The following SMC4 variants were observed in gnomAD, a reference collection of about 807,000 sequenced individuals.
SMC4 encodes the protein structural maintenance of chromosomes protein 4.
SMC4 carries 87 observed loss-of-function variants against 145.6 expected under a neutral mutation model. That is an observed-to-expected ratio of 0.60 (90% CI 0.50 to 0.71). The LOEUF (loss-of-function observed/expected upper bound fraction) is 0.71, where lower values mean the gene tolerates loss of function less well. Ranked by LOEUF, SMC4 falls within the 30% of genes least tolerant of loss-of-function variation. The pLI is 0.00. For missense variants in SMC4, 1,447 were observed against 1,537.1 expected (o/e 0.94, Z 0.98); for synonymous variants, 558 against 500.7 (o/e 1.11, Z -1.53).
At chr3:160,420,604 T>C (rs1042394272) in intron 12 of SMC4, 136 bp from the exon 13 acceptor site, 17 of 756,004 alleles carry the variant, frequency 2.2e-5, no homozygotes, top group Non-Finnish European at 3.6e-5. Context: ...TGTATTTTGT[T>C]GTGTACCCTT....
chr3:160,431,610 C>A, intron 20 of SMC4, 33 bp from the exon 21 acceptor site: 1 of 1,477,728 alleles, frequency 6.8e-7, no homozygotes, highest in Non-Finnish European at 9.2e-7. Flanking sequence ...AATATTATGC[C>A]TTCTCTAACT....
At chr3:160,405,313 T>G (rs1217986000) in intron 5 of SMC4, among the ~76,000 whole-genome samples, 2 of 110,938 alleles carry the variant, frequency 1.8e-5, no homozygotes, top group Non-Finnish European at 3.9e-5. Flanking sequence ...AATTCAGAAT[T>G]TTTCGGAAAA....
At chr3:160,400,527 G>A (rs1200874427) in intron 1 of SMC4, 1 of 336,438 alleles carries the variant, frequency 3.0e-6, no homozygotes, top group Non-Finnish European at 5.4e-6. Flanking sequence ...TTATACTATG[G>A]GCGGACGGGT....
chr3:160,429,484 C>T (rs1576993687), intron 18 of SMC4, among the ~76,000 whole-genome samples: 1 of 152,008 alleles, frequency 6.6e-6, no homozygotes, highest in Non-Finnish European at 1.5e-5. Context: ...GCTGGGACTA[C>T]AGGAATGCAC....
chr3:160,418,997 C>T (rs80311130), intron 11 of SMC4, among the ~76,000 whole-genome samples: 2 of 152,250 alleles, frequency 1.3e-5, no homozygotes, highest in East Asian at 3.9e-4. Context: ...TCTGGGTCAG[C>T]TTTTCATTAG....
In SMC4 at chr3:160,433,142, A is replaced by AC; in HGVS notation, c.3648dup (p.Phe1217LeufsTer4). The AC allele has an allele frequency of 6.2e-7, 1 of 1,613,702 alleles. No homozygotes were observed. Among genetic ancestry groups the AC allele is most frequent in the Non-Finnish European group, 8.5e-7 (1 of 1,179,736 alleles). On this transcript the variant is annotated frameshift_variant, in exon 23 of 24. Coordinates refer to ENST00000357388, the MANE Select transcript of SMC4 (RefSeq NM_001002800.3). LOFTEE classifies it high-confidence loss of function. ...CACCACTACAAGCCCACTCCCCTTTACTTCATGGATGAGATTGATGCAGCC... is the reference window on the plus strand; with the variant it reads ...CACCACTACAAGCCCACTCCCCTTTACCTTCATGGATGAGATTGATGCAGCC...
At chr3:160,425,165 G>A (rs1717648920) in intron 16 of SMC4, 146 bp downstream of exon 16, 1 of 1,276,594 alleles carries the variant, frequency 7.8e-7, no homozygotes, top group Admixed American at 3.1e-5. Context: ...AACTCTTGAT[G>A]ATTTTGTTTC....
chr3:160,402,124 T>C, intron 3 of SMC4, 31 bp downstream of exon 3: 1 of 1,380,380 alleles, frequency 7.2e-7, no homozygotes, highest in East Asian at 2.7e-5. Flanking sequence ...ATTTTATAAC[T>C]TTTTAAATAA....
At chr3:160,419,665 T>A in intron 12 of SMC4, 122 bp downstream of exon 12, 2 of 909,196 alleles carry the variant, frequency 2.2e-6, no homozygotes, top group Non-Finnish European at 3.2e-6. Context: ...TCATTTTGTT[T>A]GTTTTAAGGC....
intron 11 of SMC4, 70 bp from the exon 12 acceptor site, chr3:160,419,288 T>C: frequency 9.9e-7 from 1 of 1,013,140 alleles, no homozygotes; most frequent in Non-Finnish European, 1.4e-6. Flanking sequence ...GCATTACAAC[T>C]AATTCAGTGC....
intron 5 of SMC4, among the ~76,000 whole-genome samples, chr3:160,405,823 G>A (rs1300313434): frequency 6.6e-6 from 1 of 151,914 alleles, no homozygotes; most frequent in Non-Finnish European, 1.5e-5. Context: ...TCTGGGACTT[G>A]GTTTGGTTAA....
intron 10 of SMC4, among the ~76,000 whole-genome samples, chr3:160,417,102 A>T (rs1162865499): frequency 6.6e-6 from 1 of 152,190 alleles, no homozygotes; most frequent in East Asian, 1.9e-4. Flanking sequence ...AGCATTTTTG[A>T]CAGTGCTAAG....
chr3:160,414,415 T>G lies in SMC4; in HGVS notation c.1170T>G (p.Phe390Leu). The change falls in exon 9 of 24, where the codon TTT (phenylalanine) becomes TTG (leucine). Residue 390 changes from phenylalanine to leucine, a missense_variant. Coordinates refer to ENST00000357388, the MANE Select transcript of SMC4 (RefSeq NM_001002800.3). ...TTATTGAGGAGAATAAAGAAAAATT[T>G]ACACAGCTAGATTTGGAAGATGTTC... ...TKFIEENKEK[F>L]TQLDLEDVQV... 1.2e-6 allele frequency: 2 copies of G among 1,609,548 alleles called. No homozygotes were observed. The highest frequency in any genetic ancestry group is 1.7e-6 in the Non-Finnish European group (2 of 1,177,826).
In SMC4 at chr3:160,399,692, G is replaced by C. The variant is rs1714238193; in HGVS notation, c.-63G>C. 2 of 152,656 alleles carry C rather than the reference G, an allele frequency of 1.3e-5. No homozygotes were observed. The highest frequency in any genetic ancestry group is 1.3e-4 in the Admixed American group (2 of 15,290). 9.5% of individuals were successfully genotyped at this position (152,656 alleles called of 1,614,324 possible). On this transcript the variant is annotated 5_prime_UTR_variant, in exon 1 of 24. Transcript: ENST00000357388. ...CCGGAGCCGAAACACCGGTAGGAGCGGGGAGGTGGGTACTACACAACCGTC... is the reference window on the plus strand; with the variant it reads ...CCGGAGCCGAAACACCGGTAGGAGCCGGGAGGTGGGTACTACACAACCGTC...
chr3:160,432,094 C>CG (rs1294159574), intron 21 of SMC4, among the ~76,000 whole-genome samples, 189 bp from the exon 22 acceptor site: 1 of 152,114 alleles, frequency 6.6e-6, no homozygotes, highest in African/African-American at 2.4e-5. Context: ...CCCGGGTACT[C>CG]GGGAGGCTGA....
chr3:160,407,617 C>A (rs562747256), intron 5 of SMC4, among the ~76,000 whole-genome samples: 31 of 150,274 alleles, frequency 2.1e-4, no homozygotes, highest in African/African-American at 7.7e-4. Context: ...ATTTAATTAA[C>A]CTAGGTCTGA....
At chr3:160,412,243 T>C (rs1207770531) in intron 6 of SMC4, 83 bp from the exon 7 acceptor site, 4 of 1,465,052 alleles carry the variant, frequency 2.7e-6, no homozygotes, top group South Asian at 1.3e-5. Flanking sequence ...TTATTAACTG[T>C]TTTTATCTAA....
At chr3:160,403,445 T>G (rs1714939079) in intron 4 of SMC4, among the ~76,000 whole-genome samples, 1 of 152,164 alleles carries the variant, frequency 6.6e-6, no homozygotes, top group Non-Finnish European at 1.5e-5. Flanking sequence ...ACTTTTTCTC[T>G]TCTGTTTAAT....
Position 160,433,746 on chromosome 3 carries a change from A to C in SMC4, c.3804A>C (p.Thr1268=), listed in dbSNP as rs1358439453. 1.2e-6 allele frequency: 2 copies of C among 1,600,980 alleles called. No homozygotes were observed. The highest frequency in any genetic ancestry group is 3.5e-5 in the Admixed American group (2 of 57,878). The change falls in exon 24 of 24, where the codon ACA becomes ACC. Residue 1268 remains threonine, a synonymous_variant. Transcript: ENST00000357388. ...ATAGACTTATTGGAATTTACAAGAC[A>C]TACAACATAACAAAAAGTGTTGCTG... ...ISDRLIGIYK[T]YNITKSVAVN...
Sources: allele counts gnomAD v4.1 joint callset (sites outside exome capture counted in the v4.1 genomes callset), GRCh38; gene constraint gnomAD v4.1.1; transcripts MANE v1.5; gene names NCBI Gene and HGNC (gene_info 2026-07-23, HGNC 2026-07-21).